The following AFF1 variants were observed in gnomAD, a reference collection of about 807,000 sequenced individuals.
AFF1 encodes the protein AF4/FMR2 family member 1.
AFF1 carries 48 observed loss-of-function variants against 121.7 expected under a neutral mutation model. The ratio of observed to expected loss-of-function variants is 0.39; its 90% CI spans 0.31 to 0.50. AFF1 has a LOEUF of 0.50. Among genes scored for constraint, AFF1 ranks in the 20% least tolerant of loss-of-function variants. The probability of loss-of-function intolerance (pLI) is 0.76; values close to 1 mark genes in which losing one functional copy is unlikely to be tolerated. For synonymous variants in AFF1, 613 were observed against 563.0 expected (o/e 1.09, Z -1.26); for missense variants, 1,523 against 1,511.7 (o/e 1.01, Z -0.12).
chr4:86,996,946 C>T (rs1249178867), intron 2 of AFF1, among the ~76,000 whole-genome samples: 2 of 151,962 alleles, frequency 1.3e-5, no homozygotes, highest in African/African-American at 2.4e-5. Flanking sequence ...GAGTCTTGCT[C>T]TGTTGCCCAG....
At chr4:87,076,826 G>A (rs994372186) in intron 4 of AFF1, among the ~76,000 whole-genome samples, 3 of 152,218 alleles carry the variant, frequency 2.0e-5, no homozygotes, top group African/African-American at 4.8e-5. Flanking sequence ...CCCTTTGAAC[G>A]TTTTCCAGCT....
In AFF1 at chr4:87,138,421, A is replaced by C. The variant is rs530173051; in HGVS notation, c.*2720A>C. The C allele has an allele frequency of 1.0e-4, 24 of 232,768 alleles. No individual in the cohort carries two copies. The East Asian group carries it at 1.4e-3, about 14-fold the overall frequency. 14.4% of individuals were successfully genotyped at this position (232,768 alleles called of 1,614,324 possible). ...TTATAACAATAATAGTACACACTTC[A>C]GAGTAAGACAAATGCAAAGCATCTT... On this transcript the variant is annotated 3_prime_UTR_variant, in exon 21 of 21. Coordinates refer to ENST00000395146, the MANE Select transcript of AFF1 (RefSeq NM_001166693.3).
rs1204891684 is a variant in AFF1 at position 87,139,349 on chromosome 4, G to T, written c.*3648G>T. Reference sequence around the variant, plus strand: ...GGGCTTTCGGGTTTTTTTGTTTTTTGTTTTGTTTTGTTTTGTTTTGTTTTC... The same window carrying T: ...GGGCTTTCGGGTTTTTTTGTTTTTTTTTTTGTTTTGTTTTGTTTTGTTTTC... On this transcript the variant is annotated 3_prime_UTR_variant, in exon 21 of 21. Coordinates refer to ENST00000395146, the MANE Select transcript of AFF1 (RefSeq NM_001166693.3). 4.3e-5 allele frequency: 10 copies of T among 231,256 alleles called. No individual in the cohort carries two copies. The highest frequency in any genetic ancestry group is 7.7e-5 in the Non-Finnish European group (9 of 116,952). The allele number at this position is 231,256 out of a possible 1,614,324, so 14.3% of individuals were successfully genotyped here. A position where few individuals can be genotyped will look rare whatever the true frequency, so the allele number is the denominator to read the frequency against.
At chr4:87,121,698 A>G (rs1046344756) in intron 12 of AFF1, among the ~76,000 whole-genome samples, 1 of 152,258 alleles carries the variant, frequency 6.6e-6, no homozygotes, top group Non-Finnish European at 1.5e-5. Context: ...CTTATAGAAT[A>G]TTATCTGCTT....
At chr4:87,092,245 T>C (rs1290710313) in intron 7 of AFF1, among the ~76,000 whole-genome samples, 1 of 152,216 alleles carries the variant, frequency 6.6e-6, no homozygotes, top group African/African-American at 2.4e-5. Flanking sequence ...ATTGTGGCAC[T>C]GCACTCCAGC....
In AFF1 at chr4:87,114,567, C is replaced by T. The variant is rs766759664; in HGVS notation, c.1734C>T (p.Pro578=). The change falls in exon 12 of 21, where the codon CCC becomes CCT. Residue 578 remains proline, a synonymous_variant. Coordinates refer to ENST00000395146, the MANE Select transcript of AFF1 (RefSeq NM_001166693.3). ...DPPPKSSSKA[P]RAPPEAPHPG... is the part of the protein sequence containing the mutation. ...CCCCTAAAAGCTCCAGCAAAGCCCC[C>T]CGGGCCCCACCCGAAGCCCCCCACC... The T allele has an allele frequency of 1.9e-6, 3 of 1,604,726 alleles. No individual in the cohort carries two copies. The South Asian group carries it at 3.3e-5, about 18-fold the overall frequency.
chr4:87,113,667 A>G (rs1378883252), intron 11 of AFF1, among the ~76,000 whole-genome samples: 1 of 152,196 alleles, frequency 6.6e-6, no homozygotes, highest in Non-Finnish European at 1.5e-5. Context: ...ACTGTATACT[A>G]TATGTGATAT....
intron 12 of AFF1, among the ~76,000 whole-genome samples, chr4:87,116,148 C>T (rs936829350): frequency 2.0e-5 from 3 of 152,198 alleles, no homozygotes; most frequent in Non-Finnish European, 2.9e-5. Flanking sequence ...TGGTTAGTGT[C>T]TCATTGAGTA....
In AFF1 at chr4:86,950,074, C is replaced by T. The variant is rs372697440; in HGVS notation, c.38+1503C>T. Reference sequence around the variant, plus strand: ...GGTGATTGATGTAATAGGCCATCCACGCGGCGAAGCCCCAGTAGTAGGTGC... The same window carrying T: ...GGTGATTGATGTAATAGGCCATCCATGCGGCGAAGCCCCAGTAGTAGGTGC... On this transcript the variant is annotated intron_variant, in intron 2 of 20. Coordinates refer to ENST00000395146, the MANE Select transcript of AFF1 (RefSeq NM_001166693.3). 3.0e-5 allele frequency: 49 copies of T among 1,614,000 alleles called. No homozygotes were observed. The East Asian group carries it at 4.5e-4, about 15-fold the overall frequency.
intron 2 of AFF1, among the ~76,000 whole-genome samples, chr4:86,999,177 T>A (rs1286916329): frequency 6.6e-6 from 1 of 152,216 alleles, no homozygotes; most frequent in Non-Finnish European, 1.5e-5. Context: ...GGTTTATTGC[T>A]GATCTTCACA....
chr4:87,137,804 C>G lies in AFF1; in HGVS notation c.*2103C>G. The G allele has an allele frequency of 4.3e-6, 1 of 231,998 alleles. No individual in the cohort carries two copies. The highest frequency in any genetic ancestry group is 8.5e-6 in the Non-Finnish European group (1 of 117,256). The allele number at this position is 231,998 out of a possible 1,614,324, so 14.4% of individuals were successfully genotyped here. A position where few individuals can be genotyped will look rare whatever the true frequency, so the allele number is the denominator to read the frequency against. ...TTAACATCTTTCTTTTTTCCTTACT[C>G]CCTTAGCCATCCCCTCCCCTTTTGT... On this transcript the variant is annotated 3_prime_UTR_variant, in exon 21 of 21. Transcript: ENST00000395146.
At chr4:87,093,154 T>C (rs1724484022) in intron 7 of AFF1, among the ~76,000 whole-genome samples, 1 of 152,240 alleles carries the variant, frequency 6.6e-6, no homozygotes, top group Non-Finnish European at 1.5e-5. Context: ...TGGATCATCC[T>C]CTTGCCCTAT....
intron 2 of AFF1, among the ~76,000 whole-genome samples, chr4:86,956,115 G>T (rs1692764876): frequency 6.6e-6 from 1 of 152,166 alleles, no homozygotes; most frequent in Admixed American, 6.5e-5. Flanking sequence ...TGTGAAATGA[G>T]GAAATAAGGT....
intron 2 of AFF1, among the ~76,000 whole-genome samples, chr4:87,029,237 A>G (rs1042168417): frequency 2.6e-5 from 4 of 152,186 alleles, no homozygotes; most frequent in African/African-American, 7.2e-5. Context: ...TGATTAGGCT[A>G]GAGTTATAAG....
chr4:87,051,940 A>C (rs1375370226), intron 4 of AFF1, among the ~76,000 whole-genome samples: 7 of 152,302 alleles, frequency 4.6e-5, no homozygotes, highest in Non-Finnish European at 1.0e-4. Flanking sequence ...GTGCCGCAAG[A>C]AGTAAAGAGG....
intron 2 of AFF1, among the ~76,000 whole-genome samples, chr4:87,042,870 A>G (rs1450973328): frequency 6.6e-6 from 1 of 152,236 alleles, no homozygotes. Flanking sequence ...AATTTTCAGT[A>G]TTTTGGAATG....
chr4:87,088,933 T>C (rs369565715), intron 5 of AFF1, among the ~76,000 whole-genome samples: 13 of 152,238 alleles, frequency 8.5e-5, no homozygotes, highest in African/African-American at 1.7e-4. Context: ...TTAGTAGATA[T>C]GGGGTTTTTC....
At chr4:87,014,139 A>G (rs1344171674) in intron 2 of AFF1, among the ~76,000 whole-genome samples, 1 of 152,096 alleles carries the variant, frequency 6.6e-6, no homozygotes, top group Non-Finnish European at 1.5e-5. Flanking sequence ...AAAAAAAATT[A>G]AAAGATACCA....
rs148525534 is a variant in AFF1, at chr4:87,110,139, G to A, written c.1533+1824G>A. Among the ~76,000 whole-genome samples the A allele has an allele frequency of 2.3e-3, 342 of 151,486 alleles. 1 individual carries two copies. The highest frequency in any genetic ancestry group is 7.7e-3 in the African/African-American group (319 of 41,336). ...TGCATAATCAGTACTGTAAATTATG[G>A]AATTTTCACTCTTAACTTTCTCACT... On this transcript the variant is annotated intron_variant, in intron 11 of 20. Coordinates refer to ENST00000395146, the MANE Select transcript of AFF1 (RefSeq NM_001166693.3).
Sources: gnomAD v4.1 joint callset for allele counts (sites outside exome capture counted in the v4.1 genomes callset) on GRCh38, gnomAD v4.1.1 for gene constraint, MANE v1.5 for transcripts, NCBI Gene and HGNC (gene_info 2026-07-23, HGNC 2026-07-21) for gene names.